The following VWC2L variants were observed in gnomAD, a reference collection of about 807,000 sequenced individuals.
The protein encoded by VWC2L is von Willebrand factor C domain-containing protein 2-like.
A neutral mutation model predicts 21.6 loss-of-function variants in VWC2L; 10 were observed. The ratio of observed to expected loss-of-function variants is 0.46; its 90% CI spans 0.29 to 0.78. The LOEUF is 0.78. Among genes scored for constraint, VWC2L ranks in the 30% least tolerant of loss-of-function variants. VWC2L has a pLI of 0.10. For missense variants in VWC2L, 209 were observed against 277.1 expected (o/e 0.75, Z 1.74); for synonymous variants, 96 against 94.3 (o/e 1.02, Z -0.10).
intron 3 of VWC2L, among the ~76,000 whole-genome samples, chr2:214,565,406 C>T (rs910599805): frequency 2.0e-5 from 3 of 152,076 alleles, no homozygotes; most frequent in Non-Finnish European, 4.4e-5. Context: ...CACAGCAAAC[C>T]ATTTTCATTT....
At chr2:214,536,531 G>A (rs187560823) in intron 3 of VWC2L, among the ~76,000 whole-genome samples, 65 of 152,044 alleles carry the variant, frequency 4.3e-4, no homozygotes, top group Non-Finnish European at 8.5e-4. Flanking sequence ...ACATTTATGA[G>A]TAAAAATGAA....
intron 3 of VWC2L, among the ~76,000 whole-genome samples, chr2:214,514,606 G>C (rs1689110968): frequency 6.6e-6 from 1 of 152,146 alleles, no homozygotes; most frequent in South Asian, 2.1e-4. Flanking sequence ...AGGAAATCAT[G>C]ATACATTTTT....
At chr2:214,567,514 T>C (rs1376862953) in intron 3 of VWC2L, among the ~76,000 whole-genome samples, 1 of 147,988 alleles carries the variant, frequency 6.8e-6, no homozygotes, top group Non-Finnish European at 1.5e-5. Context: ...TAGCTGGACT[T>C]TCCCCTATCA....
At chr2:214,471,776 A>G (rs890389207) in intron 3 of VWC2L, among the ~76,000 whole-genome samples, 1 of 152,194 alleles carries the variant, frequency 6.6e-6, no homozygotes, top group African/African-American at 2.4e-5. Context: ...TCTATAAATT[A>G]TATTACTCTA....
intron 3 of VWC2L, among the ~76,000 whole-genome samples, chr2:214,516,694 A>G (rs1409342152): frequency 1.3e-5 from 2 of 151,788 alleles, no homozygotes; most frequent in East Asian, 1.9e-4. Context: ...AGAAATGTAT[A>G]TAAAGCTAGT....
In VWC2L at chr2:214,491,745, T is replaced by C. The variant is rs371596131; in HGVS notation, c.520+54987T>C. On this transcript the variant is annotated intron_variant, in intron 3 of 3. Coordinates refer to ENST00000312504, the MANE Select transcript of VWC2L (RefSeq NM_001080500.4). ...GAAATATGTTTAAGTCCCAGTTCCA[T>C]TGCTTCTCAGCTGTATCACCTTGGT... 2.2e-4 allele frequency among the ~76,000 whole-genome samples: 33 copies of C among 152,294 alleles called. No individual in the cohort carries two copies. The South Asian group carries it at 6.6e-3, about 31-fold the overall frequency.
chr2:214,483,494 C>A (rs1304463055), intron 3 of VWC2L, among the ~76,000 whole-genome samples: 3 of 151,866 alleles, frequency 2.0e-5, no homozygotes, highest in Non-Finnish European at 4.4e-5. Context: ...GAGTTGGTAC[C>A]CAGAATATCA....
chr2:214,459,107 C>T lies in VWC2L; in HGVS notation c.520+22349C>T, dbSNP rs187589400. Among the ~76,000 whole-genome samples, 555 of 152,206 alleles carry T rather than the reference C, an allele frequency of 3.6e-3. 1 individual carries two copies. The highest frequency in any genetic ancestry group is 5.8e-3 in the Non-Finnish European group (391 of 67,998). Reference sequence around the variant, plus strand: ...ATCTGGATACTCTGGTGTTGGTGCACATGTGTTTAGAATTGTTATATCTTG... The same window carrying T: ...ATCTGGATACTCTGGTGTTGGTGCATATGTGTTTAGAATTGTTATATCTTG... On this transcript the variant is annotated intron_variant, in intron 3 of 3. Coordinates refer to ENST00000312504, the MANE Select transcript of VWC2L (RefSeq NM_001080500.4).
rs1044331610 is a variant in VWC2L, at chr2:214,442,760, A to G, written c.520+6002A>G. Among the ~76,000 whole-genome samples the G allele has an allele frequency of 1.3e-5, 2 of 152,258 alleles. 1 individual carries two copies. The highest frequency in any genetic ancestry group is 4.1e-4 in the South Asian group (2 of 4,832). On this transcript the variant is annotated intron_variant, in intron 3 of 3. Transcript: ENST00000312504. ...AAAGCTTTCTTTTTTAAAATGGTAT[A>G]TAAATTGATACAAACCAAAGATTGC...
chr2:214,525,286 G>A (rs1574616654), intron 3 of VWC2L: 1 of 152,062 alleles, frequency 6.6e-6, no homozygotes, highest in Non-Finnish European at 1.5e-5. Context: ...GGAGAAGACA[G>A]GAAGTACATG....
intron 3 of VWC2L, among the ~76,000 whole-genome samples, chr2:214,542,765 CA>C (rs965274449): frequency 5.3e-5 from 8 of 152,152 alleles, no homozygotes; most frequent in African/African-American, 1.7e-4. Flanking sequence ...AAATTTATCC[CA>C]GGGGTGGTTA....
At chr2:214,463,879 A>G (rs1003897876) in intron 3 of VWC2L, among the ~76,000 whole-genome samples, 3 of 151,904 alleles carry the variant, frequency 2.0e-5, no homozygotes, top group African/African-American at 7.3e-5. Flanking sequence ...TGTATTTTCA[A>G]ATATCTTGTC....
chr2:214,471,528 G>A (rs1559300836), intron 3 of VWC2L, among the ~76,000 whole-genome samples: 1 of 152,286 alleles, frequency 6.6e-6, no homozygotes, highest in East Asian at 1.9e-4. Flanking sequence ...CAGCCCTTTT[G>A]CAGATGAGAA....
chr2:214,500,391 A>G (rs1688875433), intron 3 of VWC2L, among the ~76,000 whole-genome samples: 1 of 152,320 alleles, frequency 6.6e-6, no homozygotes, highest in South Asian at 2.1e-4. Flanking sequence ...GGTATCATCA[A>G]CGTTCTGGCA....
intron 3 of VWC2L, among the ~76,000 whole-genome samples, chr2:214,563,546 CAAAAAAAAAAAAAAAAAAAAAAAA>C (rs55864016): frequency 2.1e-5 from 2 of 95,894 alleles, no homozygotes; most frequent in Admixed American, 1.1e-4. Context: ...GACTCCGTCT[CAAAAAAAAAAAAAAAAAAAAAAAA>C]AAAAAAAAAA....
chr2:214,500,228 A>AT (rs1261994186), intron 3 of VWC2L, among the ~76,000 whole-genome samples: 2 of 152,202 alleles, frequency 1.3e-5, no homozygotes, highest in Non-Finnish European at 2.9e-5. Flanking sequence ...ACATACTATT[A>AT]TTTTTCTGCT....
intron 3 of VWC2L, among the ~76,000 whole-genome samples, chr2:214,487,677 G>T (rs1019542742): frequency 5.9e-5 from 9 of 152,140 alleles, no homozygotes; most frequent in Admixed American, 4.6e-4. Flanking sequence ...AAAAGCAAGA[G>T]TCCCTGGAGC....
chr2:214,470,916 C>CAAAAAA (rs56041924), intron 3 of VWC2L, among the ~76,000 whole-genome samples: 4 of 50,796 alleles, frequency 7.9e-5, no homozygotes, highest in East Asian at 7.0e-4. Context: ...AACTCCATCT[C>CAAAAAA]AAAAAAAAAA....
In VWC2L at chr2:214,578,868, CCTAAACA is replaced by C. The variant is rs1690273759; in HGVS notation, c.*3055_*3061del. 1.3e-5 allele frequency: 2 copies of C among 150,556 alleles called. No individual in the cohort carries two copies. Among genetic ancestry groups the C allele is most frequent in the Non-Finnish European group, 3.0e-5 (2 of 67,640 alleles). 9.3% of individuals were successfully genotyped at this position (150,556 alleles called of 1,614,324 possible). A position where few individuals can be genotyped will look rare whatever the true frequency, so the allele number is the denominator to read the frequency against. On this transcript the variant is annotated 3_prime_UTR_variant, in exon 4 of 4. Coordinates refer to ENST00000312504, the MANE Select transcript of VWC2L (RefSeq NM_001080500.4). ...GAAAACTAGTGAGAAAAAAAAAAAA[CCTAAACA>C]CTAAACTGTAAAAAGGGGATTCTAG...
Sources: gnomAD v4.1 joint callset for allele counts (sites outside exome capture counted in the v4.1 genomes callset) on GRCh38, gnomAD v4.1.1 for gene constraint, MANE v1.5 for transcripts, NCBI Gene and HGNC (gene_info 2026-07-23, HGNC 2026-07-21) for gene names.